The following GRSF1 variants were observed in gnomAD, a reference collection of about 807,000 sequenced individuals.
GRSF1 encodes G-rich RNA sequence binding factor 1, also known as G-rich sequence factor 1.
GRSF1 carries 50 observed loss-of-function variants against 51.1 expected under a neutral mutation model. The observed-to-expected ratio is 0.98, with a 90% confidence interval of 0.78 to 1.24. The LOEUF (loss-of-function observed/expected upper bound fraction) is 1.24. Among genes scored for constraint, GRSF1 ranks in the 50% most tolerant of loss-of-function variants. The pLI, the probability that GRSF1 is intolerant of heterozygous loss-of-function variation, is 0.00. For synonymous variants in GRSF1, 293 were observed against 253.3 expected (o/e 1.16, Z -1.49); for missense variants, 700 against 639.7 (o/e 1.09, Z -1.02).
chr4:70,838,514 G>A (rs2148848524), intron 1 of GRSF1, among the ~76,000 whole-genome samples: 1 of 152,272 alleles, frequency 6.6e-6, no homozygotes, highest in Admixed American at 6.5e-5. Flanking sequence ...CAGCAGCCAT[G>A]CTGATTAGCC....
intron 1 of GRSF1, among the ~76,000 whole-genome samples, chr4:70,837,863 C>A (rs894634901): frequency 3.9e-4 from 59 of 151,574 alleles, no homozygotes; most frequent in African/African-American, 1.4e-3. Context: ...TGCTATCGAA[C>A]TCCTGACCTC....
At chr4:70,833,497 T>C (rs1397435618) in intron 2 of GRSF1, among the ~76,000 whole-genome samples, 1 of 152,186 alleles carries the variant, frequency 6.6e-6, no homozygotes, top group Non-Finnish European at 1.5e-5. Flanking sequence ...GCTTATGATC[T>C]CCTTCCTGAT....
At chr4:70,829,361 T>A (rs1578300392) in intron 5 of GRSF1, among the ~76,000 whole-genome samples, 1 of 133,002 alleles carries the variant, frequency 7.5e-6, no homozygotes, top group Non-Finnish European at 1.7e-5. Context: ...TTTTTTTTTT[T>A]AATTAGCCAG....
At chr4:70,842,657 A>G (rs16845533), upstream of GRSF1, among the ~76,000 whole-genome samples, 2,339 of 152,192 alleles carry the variant, frequency 0.015, 78 homozygotes, top group African/African-American at 0.051. Flanking sequence ...AGCCCTTCCT[A>G]ACAGATCATC....
chr4:70,839,293 G>A (rs1318833400), intron 1 of GRSF1, 178 bp downstream of exon 1: 1 of 1,499,490 alleles, frequency 6.7e-7, no homozygotes, highest in Admixed American at 2.0e-5. Context: ...GCCTGGGAGA[G>A]CTTCCCTTGT....
upstream of GRSF1, among the ~76,000 whole-genome samples, chr4:70,841,752 A>G (rs1169682537): frequency 6.6e-6 from 1 of 152,222 alleles, no homozygotes; most frequent in East Asian, 1.9e-4. Flanking sequence ...CAACCAAAAA[A>G]CAAAGAACAA....
intron 9 of GRSF1, among the ~76,000 whole-genome samples, chr4:70,822,238 T>C (rs909276854): frequency 1.3e-5 from 2 of 151,990 alleles, no homozygotes; most frequent in African/African-American, 4.8e-5. Flanking sequence ...ATTAACTGTG[T>C]TTATGGATGA....
At chr4:70,830,588 G>T (rs1733922570) in intron 5 of GRSF1, among the ~76,000 whole-genome samples, 1 of 152,112 alleles carries the variant, frequency 6.6e-6, no homozygotes, top group Admixed American at 6.5e-5. Flanking sequence ...GGAGGCCGAG[G>T]TGGGTGAATG....
rs1435690238 is a variant in GRSF1, at chr4:70,825,355, A to C, written c.1334T>G (p.Val445Gly). 2 of 1,612,146 alleles carry C rather than the reference A, an allele frequency of 1.2e-6. No homozygotes were observed. The highest frequency in any genetic ancestry group is 2.2e-5 in the East Asian group (1 of 44,848). Reference protein sequence around the residue: ...SSGKATGEADVHFETHEDAVA... With the variant: ...SSGKATGEADGHFETHEDAVA... ...AGCATCCTCATGGGTCTCAAAGTGC[A>C]CATCAGCTTCTCCAGTGGCCTTCCC... The change falls in exon 8 of 10, where the codon GTG becomes GGG. Residue 445 changes from valine (V) to glycine (G), a missense_variant. Coordinates refer to ENST00000254799, the MANE Select transcript of GRSF1 (RefSeq NM_002092.4).
intron 3 of GRSF1, 82 bp downstream of exon 3, chr4:70,833,036 T>A: frequency 8.4e-7 from 1 of 1,188,512 alleles, no homozygotes. Flanking sequence ...TACTTCATTA[T>A]TAAGGATCAA....
chr4:70,836,021 G>A, intron 2 of GRSF1, 137 bp downstream of exon 2: 1 of 499,126 alleles, frequency 2.0e-6, no homozygotes, highest in South Asian at 4.2e-5. Flanking sequence ...AAAAAGGAAG[G>A]TGACAGCGTA....
chr4:70,841,661 A>G (rs932557835), upstream of GRSF1, among the ~76,000 whole-genome samples: 2 of 152,182 alleles, frequency 1.3e-5, no homozygotes, highest in African/African-American at 4.8e-5. Context: ...AGCAATGGGT[A>G]TTACATTTAA....
upstream of GRSF1, among the ~76,000 whole-genome samples, chr4:70,843,035 C>G (rs1164373815): frequency 1.3e-5 from 2 of 152,088 alleles, no homozygotes; most frequent in South Asian, 4.2e-4. Flanking sequence ...AAAGTAGCAC[C>G]TGCCATCCTC....
intron 9 of GRSF1, among the ~76,000 whole-genome samples, chr4:70,823,353 AGCCATT>A (rs1733599016): frequency 6.6e-6 from 1 of 151,786 alleles, no homozygotes; most frequent in African/African-American, 2.4e-5. Context: ...GTGGAGATCG[AGCCATT>A]GCACTCCAGC....
chr4:70,827,813 G>C (rs770643614), intron 6 of GRSF1, 39 bp downstream of exon 6: 1 of 1,409,868 alleles, frequency 7.1e-7, no homozygotes, highest in Admixed American at 2.1e-5. Flanking sequence ...AAACATTCAA[G>C]ATAGACCCAA....
chr4:70,824,054 G>T (rs28460089), intron 9 of GRSF1, among the ~76,000 whole-genome samples: 135,090 of 147,944 alleles, frequency 0.91, 62,547 homozygotes, highest in East Asian at 1. Flanking sequence ...CACTGCAACC[G>T]CTGCCTCCCG....
rs112085205 is a variant in GRSF1, at chr4:70,833,079, T to C, written c.670+39A>G. On this transcript the variant is annotated intron_variant, in intron 3 of 9. Coordinates refer to ENST00000254799, the MANE Select transcript of GRSF1 (RefSeq NM_002092.4). ...CTACCTTGAAAAGTATAAAACCTAATGCAATGATCCCAAAAAGCCATAATC... is the reference window on the plus strand; with the variant it reads ...CTACCTTGAAAAGTATAAAACCTAACGCAATGATCCCAAAAAGCCATAATC... 5,142 of 1,584,998 alleles carry C rather than the reference T, an allele frequency of 3.2e-3. 151 individuals are homozygous for C. In the African/African-American group the frequency reaches 0.054, roughly 17 times the overall value.
intron 9 of GRSF1, 40 bp downstream of exon 9, chr4:70,824,254 G>A (rs1733643635): frequency 1.2e-6 from 1 of 858,920 alleles, no homozygotes; most frequent in Non-Finnish European, 1.9e-6. Context: ...ACAGGTGTGA[G>A]CCACTGCACC....
At chr4:70,838,287 T>C (rs560069299) in intron 1 of GRSF1, among the ~76,000 whole-genome samples, 11 of 148,080 alleles carry the variant, frequency 7.4e-5, no homozygotes, top group African/African-American at 2.0e-4. Context: ...GTCTAACACA[T>C]AGTAGATGCT....
Sources: gnomAD v4.1 joint callset for allele counts (sites outside exome capture counted in the v4.1 genomes callset) on GRCh38, gnomAD v4.1.1 for gene constraint, MANE v1.5 for transcripts, NCBI Gene and HGNC (gene_info 2026-07-23, HGNC 2026-07-21) for gene names.